The following PRRC2B variants were observed in gnomAD, a reference collection of about 807,000 sequenced individuals.
PRRC2B encodes the protein protein PRRC2B.
Under a neutral mutation model 242.3 loss-of-function variants are expected in PRRC2B, and 68 were observed. The ratio of observed to expected loss-of-function variants is 0.28; its 90% CI spans 0.23 to 0.34. The LOEUF (loss-of-function observed/expected upper bound fraction) is 0.34. PRRC2B is among the 10% of genes least tolerant of loss of function. PRRC2B has a pLI of 1.00. For synonymous variants in PRRC2B, 1,228 were observed against 1,173.6 expected (o/e 1.05, Z -0.95); for missense variants, 2,835 against 2,954.8 (o/e 0.96, Z 0.94).
intron 10 of PRRC2B, among the ~76,000 whole-genome samples, chr9:131,458,499 T>G (rs1943147201): frequency 3.2e-5 from 1 of 31,416 alleles, no homozygotes; most frequent in Non-Finnish European, 1.1e-4. Context: ...CATAATGTGT[T>G]TTTATTTTTT....
chr9:131,447,867 GAT>G, intron 9 of PRRC2B, 63 bp downstream of exon 9: 1 of 1,515,366 alleles, frequency 6.6e-7, no homozygotes, highest in Non-Finnish European at 8.9e-7. Context: ...ACTTACCAGG[GAT>G]GGAAACCCCC....
chr9:131,435,806 C>T (rs1242932834), intron 3 of PRRC2B, among the ~76,000 whole-genome samples: 1 of 152,132 alleles, frequency 6.6e-6, no homozygotes, highest in Admixed American at 6.5e-5. Flanking sequence ...GTAAAAAAGT[C>T]ATAGAGCTTT....
At chr9:131,404,565 G>T (rs779657347) in intron 1 of PRRC2B, among the ~76,000 whole-genome samples, 1 of 145,304 alleles carries the variant, frequency 6.9e-6, no homozygotes, top group Non-Finnish European at 1.5e-5. Context: ...GCTCAGGGAG[G>T]TATAAAGGCT....
In PRRC2B at chr9:131,476,291, G is replaced by A; in HGVS notation, c.4162G>A (p.Glu1388Lys). ...SESSDFSERR[E>K]RREGPGSEPD... ...AAGCAGCGACTTCAGCGAGCGGCGG[G>A]AGCGGCGGGAAGGCCCTGGGTCCGA... The change falls in exon 16 of 32, where the codon GAG becomes AAG. Residue 1388 changes from glutamate (E) to lysine (K), a missense_variant. Transcript: ENST00000683519. 1 of 1,588,836 alleles carries A rather than the reference G, an allele frequency of 6.3e-7. No individual in the cohort carries two copies. The highest frequency in any genetic ancestry group is 2.3e-5 in the East Asian group (1 of 43,262).
intron 1 of PRRC2B, among the ~76,000 whole-genome samples, chr9:131,403,095 G>T (rs894560549): frequency 1.3e-5 from 2 of 152,146 alleles, no homozygotes; most frequent in African/African-American, 4.8e-5. Flanking sequence ...GGCAGGTGTT[G>T]TTTACATATG....
chr9:131,449,846 T>C (rs1942853927), intron 9 of PRRC2B, among the ~76,000 whole-genome samples: 1 of 152,246 alleles, frequency 6.6e-6, no homozygotes, highest in African/African-American at 2.4e-5. Context: ...AGATGTTTTA[T>C]AGTTTTAACT....
Position 131,442,600 on chromosome 9 carries a change from G to A in PRRC2B, c.470-1585G>A, listed in dbSNP as rs375318621. On this transcript the variant is annotated intron_variant, in intron 5 of 31. Coordinates refer to ENST00000683519, the MANE Select transcript of PRRC2B (RefSeq NM_013318.4). ...CGTGCTTGTGTGGTGATCCAGCCGC[G>A]CCTTTCCGGCACAGTCGGCTTTAGT... Among the ~76,000 whole-genome samples the A allele has an allele frequency of 3.3e-5, 5 of 152,266 alleles. No individual in the cohort carries two copies. The South Asian group carries it at 6.2e-4, about 19-fold the overall frequency.
chr9:131,424,526 A>C (rs1432891491), intron 1 of PRRC2B, among the ~76,000 whole-genome samples: 1 of 151,946 alleles, frequency 6.6e-6, no homozygotes, highest in Non-Finnish European at 1.5e-5. Context: ...GTCTCTACTA[A>C]AATACGAAAA....
chr9:131,469,065 C>T (rs1011680563), intron 13 of PRRC2B, among the ~76,000 whole-genome samples: 3 of 152,136 alleles, frequency 2.0e-5, no homozygotes, highest in Non-Finnish European at 4.4e-5. Context: ...AATTGCCGGG[C>T]GTGGTGGCTC....
Position 131,487,418 on chromosome 9 carries a change from T to TG in PRRC2B, c.5984+127dup. ...TTGGGGCCAGTGGGGCGGGGAGGGG[T>TG]GGGAGTTTGCTCTGAATCACTCTTC... On this transcript the variant is annotated intron_variant, in intron 27 of 31. Transcript: ENST00000683519. This position sits in a 1 kb window ranked among gnomAD's most constrained non-coding sequence, Gnocchi z 5.3. 2 of 453,808 alleles carry TG rather than the reference T, an allele frequency of 4.4e-6. No individual in the cohort carries two copies. Among genetic ancestry groups the TG allele is most frequent in the Non-Finnish European group, 4.0e-6 (1 of 250,624 alleles). The allele number at this position is 453,808 out of a possible 1,614,324, so 28.1% of individuals were successfully genotyped here.
At position 131,439,078 on chromosome 9, in the gene PRRC2B, G is replaced by T; in HGVS notation, c.469+17G>T. 5 of 1,611,674 alleles carry T rather than the reference G, an allele frequency of 3.1e-6. No individual in the cohort carries two copies. The highest frequency in any genetic ancestry group is 4.2e-6 in the Non-Finnish European group (5 of 1,178,216). On this transcript the variant is annotated intron_variant, in intron 5 of 31. Transcript: ENST00000683519. ...ACGAAGGTGGTAAGTGCGCACGTGT[G>T]TGTGTTGTTTGGGGACGCTGGGGAG... is the stretch of plus-strand genomic sequence containing the variant.
intron 13 of PRRC2B, among the ~76,000 whole-genome samples, chr9:131,470,231 C>G (rs755126245): frequency 5.9e-5 from 9 of 152,276 alleles, no homozygotes; most frequent in Non-Finnish European, 1.0e-4. Context: ...CCGTAGGTCA[C>G]GAGTAGCCTC....
rs1486216416 is a variant in PRRC2B, at chr9:131,446,664, T to C, written c.855+22T>C. On this transcript the variant is annotated intron_variant, in intron 7 of 31. Coordinates refer to ENST00000683519, the MANE Select transcript of PRRC2B (RefSeq NM_013318.4). The surrounding 1 kb of genome is among the most constrained non-coding windows in gnomAD (Gnocchi z 4.1). ...TTTTGTAAGTCTTCAGAGTGTACTT[T>C]TTTTCCCCCCATGAAGTTGGATTGT... 6.2e-7 allele frequency: 1 copy of C among 1,612,118 alleles called. No individual in the cohort carries two copies. The highest frequency in any genetic ancestry group is 8.5e-7 in the Non-Finnish European group (1 of 1,178,454).
intron 4 of PRRC2B, 139 bp downstream of exon 4, chr9:131,436,861 G>A (rs767308887): frequency 1.1e-5 from 7 of 660,718 alleles, no homozygotes; most frequent in Non-Finnish European, 1.8e-5. Context: ...CACCCGATGA[G>A]TGACTTTAGA....
rs373698634 is a variant in PRRC2B, at chr9:131,459,354, C to G, written c.1402C>G (p.Gln468Glu). 2.7e-5 allele frequency: 43 copies of G among 1,611,912 alleles called. No homozygotes were observed. The African/African-American group carries it at 4.8e-4, about 18-fold the overall frequency. The stretch of plus-strand genomic sequence containing the variant: ...TGGCTGGGCACCAGGCCCTGACTAC[C>G]AGGTACCAAGGGCCCTTGGCTGTCC... ...LHGWAPGPDY[Q>E]KSSMGSMFRQ... Residue 468 changes from glutamine to glutamate, a missense_variant and splice_region_variant, in exon 11 of 32, where the codon CAG (glutamine) becomes GAG (glutamate). Gln to Glu is a conservative substitution (Grantham distance 29). Transcript: ENST00000683519.
intron 1 of PRRC2B, among the ~76,000 whole-genome samples, chr9:131,417,038 C>T (rs1837677869): frequency 6.6e-6 from 1 of 152,096 alleles, no homozygotes; most frequent in Non-Finnish European, 1.5e-5. Context: ...CTCTCAGATA[C>T]CTGTGGTCTC....
intron 11 of PRRC2B, among the ~76,000 whole-genome samples, chr9:131,461,945 A>G (rs892307655): frequency 6.6e-6 from 1 of 152,250 alleles, no homozygotes. Flanking sequence ...TGTGCTGGGT[A>G]CAAGAGATAC....
intron 5 of PRRC2B, among the ~76,000 whole-genome samples, chr9:131,441,613 A>G (rs951499176): frequency 6.6e-6 from 1 of 152,196 alleles, no homozygotes; most frequent in Non-Finnish European, 1.5e-5. Flanking sequence ...GTGGGGGCCA[A>G]GTGTAAAAGT....
chr9:131,432,366 A>G (rs545893500), intron 2 of PRRC2B, among the ~76,000 whole-genome samples: 2 of 152,270 alleles, frequency 1.3e-5, no homozygotes, highest in East Asian at 3.9e-4. Flanking sequence ...TGTCCTGCCC[A>G]TCAGTGAAAT....
Sources: gnomAD v4.1 joint callset for allele counts (sites outside exome capture counted in the v4.1 genomes callset) on GRCh38, gnomAD v4.1.1 for gene constraint, Gnocchi (gnomAD v3.1) non-coding constraint, MANE v1.5 for transcripts, NCBI Gene and HGNC (gene_info 2026-07-23, HGNC 2026-07-21) for gene names.